Variants in SEMA3A observed in about 807,000 individuals in gnomAD.
SEMA3A encodes semaphorin-3A.
In SEMA3A, 29 loss-of-function variants were observed where a neutral mutation model predicts 97.9. That is an observed-to-expected ratio of 0.30 (90% CI 0.22 to 0.40). The LOEUF (loss-of-function observed/expected upper bound fraction) is 0.40. Among genes scored for constraint, SEMA3A ranks in the 10% least tolerant of loss-of-function variants. The pLI, the probability that SEMA3A is intolerant of heterozygous loss-of-function variation, is 1.00. For synonymous variants in SEMA3A, 321 were observed against 323.7 expected (o/e 0.99, Z 0.09); for missense variants, 763 against 951.3 (o/e 0.80, Z 2.60).
chr7:84,056,272 G>A (rs1208572971), intron 5 of SEMA3A, among the ~76,000 whole-genome samples: 3 of 152,152 alleles, frequency 2.0e-5, no homozygotes, highest in Non-Finnish European at 4.4e-5. Context: ...TGCCTGAGAA[G>A]TACGTATTAA....
intron 1 of SEMA3A, among the ~76,000 whole-genome samples, chr7:84,426,783 AG>A (rs1804839706): frequency 6.6e-6 from 1 of 152,134 alleles, no homozygotes; most frequent in Admixed American, 6.6e-5. Context: ...TTACCTTTGC[AG>A]AATAAATATT....
At chr7:84,007,318 ATT>A (rs746311478) in intron 10 of SEMA3A, 33 bp downstream of exon 10, 2 of 1,520,730 alleles carry the variant, frequency 1.3e-6, no homozygotes, top group South Asian at 2.5e-5. Flanking sequence ...GCAGAAATAT[ATT>A]CATTTCATAT....
intron 3 of SEMA3A, among the ~76,000 whole-genome samples, chr7:84,260,242 C>CAAAT (rs1029715272): frequency 2.0e-5 from 3 of 152,134 alleles, no homozygotes; most frequent in African/African-American, 7.2e-5. Context: ...CACTTTATGT[C>CAAAT]AAATAAATAA....
At position 83,956,061 on chromosome 7, in the gene SEMA3A, TA is replaced by T. The variant is rs1788273196; in HGVS notation, c.*5309del. The T allele has an allele frequency of 6.6e-6, 1 of 152,166 alleles. No homozygotes were observed. 9.4% of individuals were successfully genotyped at this position (152,166 alleles called of 1,614,324 possible). ...CAAGATGAAGGTGGGTCTCATTTTT[TA>T]AAAAACTTTTTTGGTTTGTTTGTTT... On this transcript the variant is annotated 3_prime_UTR_variant, in exon 17 of 17. Coordinates refer to ENST00000265362, the MANE Select transcript of SEMA3A (RefSeq NM_006080.3).
intron 12 of SEMA3A, among the ~76,000 whole-genome samples, chr7:83,999,236 T>C (rs1790340530): frequency 6.6e-6 from 1 of 152,194 alleles, no homozygotes; most frequent in East Asian, 1.9e-4. Flanking sequence ...CAAAGTCTCA[T>C]AATTTTGTTA....
intron 1 of SEMA3A, among the ~76,000 whole-genome samples, chr7:84,415,598 T>G (rs1022876665): frequency 2.6e-5 from 4 of 152,136 alleles, no homozygotes; most frequent in African/African-American, 9.6e-5. Flanking sequence ...TTATACCTGA[T>G]GAATCTAGAT....
chr7:84,329,347 T>C (rs1562905748), intron 2 of SEMA3A, among the ~76,000 whole-genome samples: 1 of 152,066 alleles, frequency 6.6e-6, no homozygotes, highest in Non-Finnish European at 1.5e-5. Flanking sequence ...TGTGAGAACC[T>C]TTTTGCTTAA....
rs143440294 is a variant in SEMA3A at position 84,359,585 on chromosome 7, T to C, written c.-169+12239A>G. On this transcript the variant is annotated intron_variant, in intron 2 of 3. Coordinates refer to the SEMA3A transcript ENST00000424555. ...TCTGCATCGATGTTCATCAGGGATA[T>C]TGGTCTACAATTCTCTTTTTTGTGG... Among the ~76,000 whole-genome samples the C allele has an allele frequency of 4.0e-3, 612 of 152,292 alleles. 2 individuals carry two copies. The highest frequency in any genetic ancestry group is 4.8e-3 in the Admixed American group (73 of 15,294).
intron 3 of SEMA3A, among the ~76,000 whole-genome samples, chr7:84,271,191 A>C (rs1485419464): frequency 6.6e-6 from 1 of 151,348 alleles, no homozygotes; most frequent in Non-Finnish European, 1.5e-5. Context: ...ACTCATTTTA[A>C]TGTTCGTATT....
intron 2 of SEMA3A, among the ~76,000 whole-genome samples, chr7:84,321,500 C>T (rs1801642907): frequency 6.6e-6 from 1 of 152,082 alleles, no homozygotes; most frequent in South Asian, 2.1e-4. Context: ...AATTGCTCTG[C>T]AACTAACCAG....
At chr7:84,173,365 G>A (rs796091020) in intron 1 of SEMA3A, among the ~76,000 whole-genome samples, 4 of 151,904 alleles carry the variant, frequency 2.6e-5, no homozygotes, top group African/African-American at 9.6e-5. Context: ...AGACCAGCCC[G>A]GCCCACACGG....
chr7:84,432,390 A>C (rs1805003349), intron 1 of SEMA3A, among the ~76,000 whole-genome samples: 1 of 151,848 alleles, frequency 6.6e-6, no homozygotes, highest in Admixed American at 6.6e-5. Flanking sequence ...TATTTTTATT[A>C]TTTCAACATT....
intron 5 of SEMA3A, among the ~76,000 whole-genome samples, chr7:84,056,632 C>G (rs1230042115): frequency 4.6e-5 from 7 of 151,744 alleles, no homozygotes; most frequent in Admixed American, 1.3e-4. Context: ...AACACACACA[C>G]ACACACATAC....
At position 83,957,354 on chromosome 7, in the gene SEMA3A, C is replaced by A. The variant is rs939755802; in HGVS notation, c.*4017G>T. ...CCTCATCACCTAACATAATACCTAG[C>A]ACATTGTAGATAGTCAAGATCTATC... On this transcript the variant is annotated 3_prime_UTR_variant, in exon 17 of 17. Transcript: ENST00000265362. 6.6e-6 allele frequency: 1 copy of A among 152,100 alleles called. No homozygotes were observed. The highest frequency in any genetic ancestry group is 2.4e-5 in the African/African-American group (1 of 41,428). The allele number at this position is 152,100 out of a possible 1,614,324, so 9.4% of individuals were successfully genotyped here.
At chr7:84,375,417 T>C (rs1803074610) in intron 1 of SEMA3A, among the ~76,000 whole-genome samples, 1 of 152,172 alleles carries the variant, frequency 6.6e-6, no homozygotes, top group South Asian at 2.1e-4. Context: ...AATAACCCTA[T>C]GTGATGACTG....
chr7:83,968,289 T>C (rs924145199), intron 15 of SEMA3A, among the ~76,000 whole-genome samples: 8 of 152,206 alleles, frequency 5.3e-5, no homozygotes, highest in African/African-American at 1.7e-4. Flanking sequence ...CATCGGACAG[T>C]TGATTTTATT....
At chr7:84,008,509 GAAAGAA>G (rs1349262232) in intron 9 of SEMA3A, among the ~76,000 whole-genome samples, 1 of 84,738 alleles carries the variant, frequency 1.2e-5, no homozygotes, top group Non-Finnish European at 2.4e-5. Flanking sequence ...AAAAAAAAAA[GAAAGAA>G]AAAGAAATTC....
chr7:84,470,991 A>G (rs1250459165), intron 1 of SEMA3A, among the ~76,000 whole-genome samples: 1 of 152,110 alleles, frequency 6.6e-6, no homozygotes, highest in African/African-American at 2.4e-5. Context: ...AATAAAAGAG[A>G]GATGGGCCTA....
At chr7:84,423,021 T>A (rs940880474) in intron 1 of SEMA3A, among the ~76,000 whole-genome samples, 43 of 152,090 alleles carry the variant, frequency 2.8e-4, no homozygotes, top group African/African-American at 9.1e-4. Context: ...ATTTTCACCA[T>A]CCAGTGATTA....
Sources: allele counts gnomAD v4.1 joint callset (sites outside exome capture counted in the v4.1 genomes callset), GRCh38; gene constraint gnomAD v4.1.1; transcripts MANE v1.5; gene names NCBI Gene and HGNC (gene_info 2026-07-23, HGNC 2026-07-21).